FOXP2: variants seen among roughly 807,000 people sequenced by gnomAD.
FOXP2 encodes the protein forkhead box P2.
In FOXP2, 12 loss-of-function variants were observed where a neutral mutation model predicts 115.8. The observed-to-expected ratio is 0.10, with a 90% CI of 0.07 to 0.17. The LOEUF (loss-of-function observed/expected upper bound fraction) is 0.17. Among genes scored for constraint, FOXP2 ranks in the 10% least tolerant of loss-of-function variants. The pLI is 1.00. For synonymous variants in FOXP2, 328 were observed against 297.7 expected (o/e 1.10, Z -1.05); for missense variants, 629 against 843.5 (o/e 0.75, Z 3.15).
At chr7:114,267,780 T>A (rs1001190906) in intron 1 of FOXP2, among the ~76,000 whole-genome samples, 3 of 125,310 alleles carry the variant, frequency 2.4e-5, no homozygotes, top group South Asian at 2.4e-4. Context: ...AATAAATAAA[T>A]AAAATAAATA....
chr7:114,559,033 A>ATTT lies in FOXP2; in HGVS notation c.258+24333_258+24335dup, dbSNP rs138150674. Among the ~76,000 whole-genome samples, 214 of 151,622 alleles carry ATTT rather than the reference A, an allele frequency of 1.4e-3. 1 individual carries two copies. Among genetic ancestry groups the ATTT allele is most frequent in the African/African-American group, 4.9e-3 (203 of 41,296 alleles). On this transcript the variant is annotated intron_variant, in intron 3 of 16. Transcript: ENST00000350908. ...ATGTTCATAAGAAATCCAGCTACCT[A>ATTT]TTTTTTTTCAAAAACGCTTAAACTC...
chr7:114,451,199 A>C (rs1584751410), intron 2 of FOXP2, among the ~76,000 whole-genome samples: 1 of 152,108 alleles, frequency 6.6e-6, no homozygotes, highest in Non-Finnish European at 1.5e-5. Context: ...TCAAGTGATA[A>C]TGTGCTGTCA....
At chr7:114,110,245 A>C (rs1013757945) in intron 1 of FOXP2, among the ~76,000 whole-genome samples, 1 of 152,200 alleles carries the variant, frequency 6.6e-6, no homozygotes, top group Admixed American at 6.6e-5. Context: ...ACTTATGCAC[A>C]CACCTTTTTC....
intron 2 of FOXP2, among the ~76,000 whole-genome samples, chr7:114,464,009 T>C (rs180891748): frequency 1.5e-4 from 23 of 152,178 alleles, no homozygotes; most frequent in Middle Eastern, 3.4e-3. Context: ...GCTAAGCAAA[T>C]ACCATTAAAA....
intron 2 of FOXP2, among the ~76,000 whole-genome samples, chr7:114,351,370 A>G (rs1181302850): frequency 6.6e-6 from 1 of 152,140 alleles, no homozygotes; most frequent in Admixed American, 6.6e-5. Context: ...AAATGTAAAT[A>G]CCTGACAGTA....
chr7:114,221,008 A>G (rs1339584506), intron 1 of FOXP2, among the ~76,000 whole-genome samples: 1 of 152,162 alleles, frequency 6.6e-6, no homozygotes, highest in African/African-American at 2.4e-5. Flanking sequence ...TGATAAATTT[A>G]TGGTAAGTAA....
At chr7:114,519,761 A>G (rs1017661201) in intron 2 of FOXP2, among the ~76,000 whole-genome samples, 1 of 152,158 alleles carries the variant, frequency 6.6e-6, no homozygotes, top group African/African-American at 2.4e-5. Flanking sequence ...ATGTCTTCCG[A>G]GACAATGGGA....
At chr7:114,321,031 A>G (rs1797406532) in intron 2 of FOXP2, among the ~76,000 whole-genome samples, 1 of 152,146 alleles carries the variant, frequency 6.6e-6, no homozygotes, top group South Asian at 2.1e-4. Context: ...GAACTTTTCC[A>G]GACAAGGAAA....
intron 6 of FOXP2, among the ~76,000 whole-genome samples, chr7:114,636,968 G>T (rs945479200): frequency 2.6e-5 from 4 of 152,046 alleles, no homozygotes; most frequent in African/African-American, 2.4e-5. Context: ...CAGCCCAGGC[G>T]TTCAAGACTA....
intron 2 of FOXP2, chr7:114,297,334 G>A (rs1454193314): frequency 5.0e-6 from 3 of 605,970 alleles, no homozygotes; most frequent in East Asian, 4.0e-5. Context: ...TTGGTCAGGC[G>A]CCCGTGGTGG....
At chr7:114,228,114 C>T (rs1164800843) in intron 1 of FOXP2, among the ~76,000 whole-genome samples, 1 of 151,956 alleles carries the variant, frequency 6.6e-6, no homozygotes, top group African/African-American at 2.4e-5. Flanking sequence ...TTTGAAAGAT[C>T]AAACCATGTG....
Position 114,609,686 on chromosome 7 carries a change from T to C in FOXP2, c.259-18854T>C, listed in dbSNP as rs146136549. Among the ~76,000 whole-genome samples the C allele has an allele frequency of 4.3e-4, 65 of 152,302 alleles. 2 individuals are homozygous for C. In the East Asian group the frequency reaches 0.011, roughly 27 times the overall value. On this transcript the variant is annotated intron_variant, in intron 3 of 16. Transcript: ENST00000350908. ...TGAAAATTTCTTTAATGTGAACCTT[T>C]TTGCCAGTGTCAGTTCCACTGGTGC... is the stretch of plus-strand genomic sequence containing the variant.
At chr7:114,447,869 T>A (rs921543166) in intron 2 of FOXP2, among the ~76,000 whole-genome samples, 1 of 152,170 alleles carries the variant, frequency 6.6e-6, no homozygotes, top group African/African-American at 2.4e-5. Flanking sequence ...ATATGGTAGA[T>A]GCAGAATAAA....
At chr7:114,392,515 G>A (rs1265682340) in intron 2 of FOXP2, among the ~76,000 whole-genome samples, 1 of 152,180 alleles carries the variant, frequency 6.6e-6, no homozygotes, top group African/African-American at 2.4e-5. Flanking sequence ...CCCCTATGAA[G>A]CAGAATCCTT....
intron 2 of FOXP2, among the ~76,000 whole-genome samples, chr7:114,435,941 C>T (rs925207157): frequency 6.6e-6 from 1 of 151,862 alleles, no homozygotes; most frequent in African/African-American, 2.4e-5. Context: ...ACAAATTTAC[C>T]ATAGTTTGGC....
At chr7:114,125,732 C>A (rs1021476498) in intron 1 of FOXP2, among the ~76,000 whole-genome samples, 1 of 152,106 alleles carries the variant, frequency 6.6e-6, no homozygotes, top group East Asian at 1.9e-4. Flanking sequence ...TCTCCCACAC[C>A]AAGTTGAACC....
In FOXP2 at chr7:114,250,676, T is replaced by C. The variant is rs889138885; in HGVS notation, c.-101-37343T>C. On this transcript the variant is annotated intron_variant, in intron 1 of 17. Coordinates refer to the FOXP2 transcript ENST00000634411. ...TTGTTTTTGTAAATTTGTTTGAGTT[T>C]TTTGTAGATTCTAGATATTAGCCCT... Among the ~76,000 whole-genome samples the C allele has an allele frequency of 2.6e-5, 4 of 152,246 alleles. No homozygotes were observed. The East Asian group carries it at 5.8e-4, about 22-fold the overall frequency.
chr7:114,644,870 A>T (rs887982445), intron 8 of FOXP2, 81 bp downstream of exon 8: 12 of 1,095,252 alleles, frequency 1.1e-5, no homozygotes, highest in Non-Finnish European at 1.5e-5. Context: ...TAAACAAAAG[A>T]TGAAGGAGGA....
chr7:114,583,047 A>G (rs1801947536), intron 3 of FOXP2, among the ~76,000 whole-genome samples: 1 of 152,192 alleles, frequency 6.6e-6, no homozygotes, highest in South Asian at 2.1e-4. Context: ...CACAAAAGAC[A>G]CAAATAGGCA....
Sources: allele counts gnomAD v4.1 joint callset (sites outside exome capture counted in the v4.1 genomes callset), GRCh38; gene constraint gnomAD v4.1.1; transcripts MANE v1.5; gene names NCBI Gene and HGNC (gene_info 2026-07-23, HGNC 2026-07-21).